The following MGAT3 variants were observed in gnomAD, a reference collection of about 807,000 sequenced individuals.
MGAT3 encodes the protein GlcNAc-T III.
MGAT3 carries 9 observed loss-of-function variants against 29.8 expected under a neutral mutation model. That is an observed-to-expected ratio of 0.30 (90% CI 0.18 to 0.53). MGAT3 has a LOEUF of 0.53. MGAT3 is among the 20% of genes least tolerant of loss of function. The probability of loss-of-function intolerance (pLI) is 0.96; values close to 1 mark genes in which losing one functional copy is unlikely to be tolerated. For missense variants in MGAT3, 557 were observed against 769.5 expected (o/e 0.72, Z 3.27); for synonymous variants, 397 against 348.9 (o/e 1.14, Z -1.54).
intron 1 of MGAT3, among the ~76,000 whole-genome samples, chr22:39,484,573 A>G (rs1929218701): frequency 6.6e-6 from 1 of 152,006 alleles, no homozygotes; most frequent in African/African-American, 2.4e-5. Context: ...GGGTTTCACA[A>G]TGTTGGCCAG....
At chr22:39,484,607 TG>T (rs1929219583) in intron 1 of MGAT3, among the ~76,000 whole-genome samples, 1 of 151,926 alleles carries the variant, frequency 6.6e-6, no homozygotes, top group African/African-American at 2.4e-5. Context: ...TCCTGACCTC[TG>T]GTGATCCACC....
At position 39,488,145 on chromosome 22, in the gene MGAT3, C is replaced by G. The variant is rs765449436; in HGVS notation, c.798C>G (p.Arg266=). The part of the protein sequence containing the change: ...MLTNGTFEYI[R]HKVLYVFLDH... Reference sequence around the variant, plus strand: ...CCAATGGCACCTTCGAGTACATCCGCCACAAGGTGCTCTATGTCTTCCTGG... The same window carrying G: ...CCAATGGCACCTTCGAGTACATCCGGCACAAGGTGCTCTATGTCTTCCTGG... The change falls in exon 2 of 2, where the codon CGC becomes CGG. Residue 266 remains arginine, a synonymous_variant. Transcript: ENST00000341184. The G allele has an allele frequency of 2.5e-6, 4 of 1,613,050 alleles. No homozygotes were observed. Among genetic ancestry groups the G allele is most frequent in the Non-Finnish European group, 3.4e-6 (4 of 1,179,960 alleles).
Position 39,488,832 on chromosome 22 carries a change from C to G in MGAT3, c.1485C>G (p.His495Gln). 2 of 1,609,226 alleles carry G rather than the reference C, an allele frequency of 1.2e-6. No homozygotes were observed. The highest frequency in any genetic ancestry group is 1.7e-6 in the Non-Finnish European group (2 of 1,177,876). ...KYLLKNYDRF[H>Q]YLLDNPYQEP... ...TGCTGAAGAACTACGACCGGTTCCA[C>G]TACCTGCTGGACAACCCCTACCAGG... The change falls in exon 2 of 2, where the codon CAC becomes CAG. Residue 495 changes from histidine (H) to glutamine (Q), a missense_variant. His to Gln is a conservative substitution (Grantham distance 24). Coordinates refer to ENST00000341184, the MANE Select transcript of MGAT3 (RefSeq NM_002409.5).
At position 39,464,107 on chromosome 22, in the gene MGAT3, C is replaced by T. The variant is rs1003664042; in HGVS notation, c.-2+6550C>T. 2.1e-3 allele frequency among the ~76,000 whole-genome samples: 314 copies of T among 152,070 alleles called. 6 individuals are homozygous for T. The highest frequency in any genetic ancestry group is 0.02 in the Admixed American group (304 of 15,268). ...GGCCCCACCAGCTCTTCATACACCGCGCTCACCCCTGCCCCACCGCCCCCG... is the reference window on the plus strand; with the variant it reads ...GGCCCCACCAGCTCTTCATACACCGTGCTCACCCCTGCCCCACCGCCCCCG... On this transcript the variant is annotated intron_variant, in intron 1 of 1. Coordinates refer to ENST00000341184, the MANE Select transcript of MGAT3 (RefSeq NM_002409.5).
At chr22:39,475,116 G>A (rs1365848029) in intron 1 of MGAT3, among the ~76,000 whole-genome samples, 5 of 139,096 alleles carry the variant, frequency 3.6e-5, no homozygotes, top group Admixed American at 2.9e-4. Flanking sequence ...ATTCACAGCA[G>A]GGCTTGCCAG....
rs1025459449 is a variant in MGAT3, at chr22:39,492,165, T to A, written c.*3216T>A. 5.4e-5 allele frequency: 9 copies of A among 167,076 alleles called. No homozygotes were observed. Among genetic ancestry groups the A allele is most frequent in the African/African-American group, 2.2e-4 (9 of 41,432 alleles). The allele number at this position is 167,076 out of a possible 1,614,324, so 10.3% of individuals were successfully genotyped here. ...GGGATGCTTAAAGGAGAAGATAATA[T>A]TAATAATAAAAACAGCTACAAAGTC... is the stretch of plus-strand genomic sequence containing the variant. On this transcript the variant is annotated 3_prime_UTR_variant, in exon 2 of 2. Coordinates refer to ENST00000341184, the MANE Select transcript of MGAT3 (RefSeq NM_002409.5).
chr22:39,477,007 G>C (rs1326657257), intron 1 of MGAT3, among the ~76,000 whole-genome samples: 1 of 152,164 alleles, frequency 6.6e-6, no homozygotes, highest in Non-Finnish European at 1.5e-5. Context: ...GTCTCCCCAT[G>C]TGGGATCCTG....
Position 39,457,592 on chromosome 22 carries a change from G to T in MGAT3, c.-2+35G>T. Reference sequence around the variant, plus strand: ...CCCCGGCGTCCTGGGGGGCGCCGCGGCCCCTCTATCCCCGCGCTGCCCGCC... The same window carrying T: ...CCCCGGCGTCCTGGGGGGCGCCGCGTCCCCTCTATCCCCGCGCTGCCCGCC... On this transcript the variant is annotated intron_variant, in intron 1 of 1. Coordinates refer to ENST00000341184, the MANE Select transcript of MGAT3 (RefSeq NM_002409.5). This position sits in a 1 kb window ranked among gnomAD's most constrained non-coding sequence, Gnocchi z 6.8. 6.7e-6 allele frequency: 1 copy of T among 150,092 alleles called. No homozygotes were observed. The allele number at this position is 150,092 out of a possible 1,614,324, so 9.3% of individuals were successfully genotyped here.
chr22:39,477,370 C>T (rs531266217), intron 1 of MGAT3: 2 of 152,354 alleles, frequency 1.3e-5, no homozygotes, highest in Admixed American at 1.3e-4. Flanking sequence ...AAAGGCCCTA[C>T]AGGCTGAGGG....
intron 1 of MGAT3, among the ~76,000 whole-genome samples, chr22:39,473,846 A>T (rs1165163139): frequency 6.6e-6 from 1 of 151,430 alleles, no homozygotes; most frequent in Non-Finnish European, 1.5e-5. Flanking sequence ...GGGATGGATG[A>T]GGAGGGCAGC....
chr22:39,467,519 GTGGGCAGGAGCCC>G (rs147092127), intron 1 of MGAT3, among the ~76,000 whole-genome samples: 6,319 of 152,254 alleles, frequency 0.042, 216 homozygotes, highest in Middle Eastern at 0.088. Context: ...GAAGGTAGGA[GTGGGCAGGAGCCC>G]TGCTGCTGGG....
intron 1 of MGAT3, among the ~76,000 whole-genome samples, chr22:39,482,596 C>G (rs1163272682): frequency 6.6e-6 from 1 of 152,130 alleles, no homozygotes; most frequent in East Asian, 1.9e-4. Context: ...ACCCTGAGTG[C>G]CAGTGCTTAT....
At chr22:39,466,045 G>C (rs1928636601) in intron 1 of MGAT3, among the ~76,000 whole-genome samples, 1 of 152,188 alleles carries the variant, frequency 6.6e-6, no homozygotes. Context: ...ATGGGGAAGA[G>C]AAAGGCCTGC....
chr22:39,464,154 T>C (rs1928572207), intron 1 of MGAT3, among the ~76,000 whole-genome samples: 1 of 152,186 alleles, frequency 6.6e-6, no homozygotes, highest in African/African-American at 2.4e-5. Flanking sequence ...TCCTAGCACT[T>C]GCTGCCTCTG....
intron 1 of MGAT3, among the ~76,000 whole-genome samples, chr22:39,461,298 C>A (rs1363906822): frequency 6.6e-6 from 1 of 152,130 alleles, no homozygotes; most frequent in Non-Finnish European, 1.5e-5. Flanking sequence ...GCGGGCGATA[C>A]TGTAGGTGAG....
chr22:39,480,220 G>A (rs925786773), intron 1 of MGAT3, among the ~76,000 whole-genome samples: 13 of 152,194 alleles, frequency 8.5e-5, no homozygotes, highest in African/African-American at 2.2e-4. Flanking sequence ...GAATTTTAAC[G>A]AACTGAGTAA....
chr22:39,464,025 C>T (rs1340835033), intron 1 of MGAT3, among the ~76,000 whole-genome samples: 1 of 152,006 alleles, frequency 6.6e-6, no homozygotes, highest in African/African-American at 2.4e-5. Flanking sequence ...ATTTCCCAAT[C>T]CCCAACCCTT....
chr22:39,484,039 G>C (rs1202468365), intron 1 of MGAT3, among the ~76,000 whole-genome samples: 2 of 152,196 alleles, frequency 1.3e-5, no homozygotes, highest in African/African-American at 2.4e-5. Context: ...GAGGTCATGA[G>C]GGGCACCTGG....
intron 1 of MGAT3, among the ~76,000 whole-genome samples, chr22:39,473,221 C>T (rs1443321856): frequency 6.6e-6 from 1 of 152,184 alleles, no homozygotes; most frequent in Non-Finnish European, 1.5e-5. Context: ...ATACCTGAGA[C>T]TGGGTGGTCT....
Sources: allele counts gnomAD v4.1 joint callset (sites outside exome capture counted in the v4.1 genomes callset), GRCh38; gene constraint gnomAD v4.1.1; non-coding constraint Gnocchi (gnomAD v3.1); transcripts MANE v1.5; gene names NCBI Gene and HGNC (gene_info 2026-07-23, HGNC 2026-07-21).